Variants in SEMA3F observed in about 807,000 individuals in gnomAD.
SEMA3F encodes the protein semaphorin-3F.
In SEMA3F, 30 loss-of-function variants were observed where a neutral mutation model predicts 98.5. The ratio of observed to expected loss-of-function variants is 0.30; its 90% confidence interval spans 0.23 to 0.41. The LOEUF is 0.41. Among genes scored for constraint, SEMA3F ranks in the 10% least tolerant of loss-of-function variants. The pLI is 1.00. For missense variants in SEMA3F, 866 were observed against 1,119.3 expected, an observed-to-expected ratio of 0.77 and a Z score of 3.23; for synonymous variants, 380 against 444.8, an observed-to-expected ratio of 0.85 and a Z score of 1.83.
At chr3:50,170,646 G>T (rs1014740306) in intron 2 of SEMA3F, among the ~76,000 whole-genome samples, 2 of 152,110 alleles carry the variant, frequency 1.3e-5, no homozygotes, top group African/African-American at 4.8e-5. Flanking sequence ...GAGGGCCTGA[G>T]AGATGGTCTA....
chr3:50,176,944 A>C, intron 7 of SEMA3F, 83 bp downstream of exon 7: 2 of 1,117,498 alleles, frequency 1.8e-6, no homozygotes, highest in Non-Finnish European at 2.7e-6. Flanking sequence ...ACACTTACCC[A>C]AGGGCAGAGA....
In SEMA3F at chr3:50,184,014, G is replaced by A. The variant is rs573513119; in HGVS notation, c.1233+450G>A. On this transcript the variant is annotated intron_variant, in intron 12 of 18. Coordinates refer to ENST00000002829, the MANE Select transcript of SEMA3F (RefSeq NM_004186.5). ...GTGGGAGCCTAAGCAGGAGAGCAGC[G>A]GATCTGGTCCAATGCAGTTCTGACT... 7.9e-5 allele frequency among the ~76,000 whole-genome samples: 12 copies of A among 152,246 alleles called. 1 individual carries two copies. The highest frequency in any genetic ancestry group is 5.9e-4 in the Admixed American group (9 of 15,294).
intron 12 of SEMA3F, among the ~76,000 whole-genome samples, chr3:50,183,923 G>C (rs1186915392): frequency 6.6e-6 from 1 of 152,148 alleles, no homozygotes; most frequent in Non-Finnish European, 1.5e-5. Flanking sequence ...GGCAGGGCCA[G>C]GCCTCAGGCA....
In SEMA3F at chr3:50,158,566, TG is replaced by T; in HGVS notation, c.-48-1005del. Among the ~76,000 whole-genome samples the T allele has an allele frequency of 6.6e-6, 1 of 152,290 alleles. No individual in the cohort carries two copies. Among genetic ancestry groups the T allele is most frequent in the Middle Eastern group, 3.4e-3 (1 of 294 alleles). On this transcript the variant is annotated intron_variant, in intron 1 of 18. Coordinates refer to ENST00000002829, the MANE Select transcript of SEMA3F (RefSeq NM_004186.5). This position sits in a 1 kb window ranked among gnomAD's most constrained non-coding sequence, Gnocchi z 4.8. ...CATCCCAGCATCCTAGAGATGGGCCTGGGGTCCTGCCTGCCACGGAAGAAGG... is the reference window on the plus strand; with the variant it reads ...CATCCCAGCATCCTAGAGATGGGCCTGGGTCCTGCCTGCCACGGAAGAAGG...
At chr3:50,186,804 T>C in intron 18 of SEMA3F, 58 bp downstream of exon 18, 1 of 1,490,390 alleles carries the variant, frequency 6.7e-7, no homozygotes. Context: ...AGTGGTGAAA[T>C]GTAGTAGAGG....
chr3:50,187,764 G>T lies in SEMA3F; in HGVS notation c.2007G>T (p.Gln669His). 6.2e-7 allele frequency: 1 copy of T among 1,613,176 alleles called. No homozygotes were observed. Among genetic ancestry groups the T allele is most frequent in the East Asian group, 2.2e-5 (1 of 44,864 alleles). The stretch of plus-strand genomic sequence containing the variant: ...AGGGCTTGTTGCTCCGTGCACTGCA[G>T]CTCAGCGATCGTGGCCTCTACTCCT... ...TEQGLLLRALQLSDRGLYSCT... is the reference protein window; with the variant it reads ...TEQGLLLRALHLSDRGLYSCT... The change falls in exon 19 of 19, where the codon CAG (glutamine) becomes CAT (histidine). Residue 669 changes from glutamine to histidine, a missense_variant. Coordinates refer to ENST00000002829, the MANE Select transcript of SEMA3F (RefSeq NM_004186.5).
At position 50,159,715 on chromosome 3, in the gene SEMA3F, G is replaced by C. The variant is rs754246505; in HGVS notation, c.93G>C (p.Arg31=). 6.2e-7 allele frequency: 1 copy of C among 1,610,762 alleles called. No individual in the cohort carries two copies. Among genetic ancestry groups the C allele is most frequent in the South Asian group, 1.1e-5 (1 of 90,884 alleles). ...PTQDHLPATP[R]VRLSFKELKA... Reference sequence around the variant, plus strand: ...AGGACCACCTCCCGGCCACGCCCCGGGTCCGGCTCTCATTCAAAGGTAAGA... The same window carrying C: ...AGGACCACCTCCCGGCCACGCCCCGCGTCCGGCTCTCATTCAAAGGTAAGA... The change falls in exon 2 of 19, where the codon CGG becomes CGC. Residue 31 remains arginine, a synonymous_variant. Coordinates refer to ENST00000002829, the MANE Select transcript of SEMA3F (RefSeq NM_004186.5).
intron 1 of SEMA3F, among the ~76,000 whole-genome samples, chr3:50,157,219 G>T (rs1304437766): frequency 6.6e-6 from 1 of 151,918 alleles, no homozygotes; most frequent in Non-Finnish European, 1.5e-5. Context: ...TGGCCACCTG[G>T]CCCCCTGTCC....
chr3:50,168,660 G>T (rs903513501), intron 2 of SEMA3F, among the ~76,000 whole-genome samples: 1 of 152,166 alleles, frequency 6.6e-6, no homozygotes. Flanking sequence ...AGAGCCAGGG[G>T]GCCAGCCCAG....
intron 2 of SEMA3F, among the ~76,000 whole-genome samples, chr3:50,167,696 C>T (rs1698455589): frequency 6.6e-6 from 1 of 152,190 alleles, no homozygotes; most frequent in African/African-American, 2.4e-5. Flanking sequence ...AAAGGGGCCC[C>T]TCGTTGCAGG....
At chr3:50,183,593 C>A (rs759613537) in intron 12 of SEMA3F, 29 bp downstream of exon 12, 3 of 1,609,410 alleles carry the variant, frequency 1.9e-6, no homozygotes, top group Non-Finnish European at 2.5e-6. Context: ...CTGCCTCTCC[C>A]CTTTCTCTTC....
intron 1 of SEMA3F, among the ~76,000 whole-genome samples, chr3:50,157,974 C>T (rs1366192880): frequency 1.3e-5 from 2 of 152,210 alleles, no homozygotes; most frequent in African/African-American, 4.8e-5. Context: ...CTCCCCTGAG[C>T]CCCACCCCAC....
chr3:50,176,281 C>G (rs184680273), intron 6 of SEMA3F, among the ~76,000 whole-genome samples: 24 of 152,286 alleles, frequency 1.6e-4, no homozygotes, highest in African/African-American at 5.5e-4. Context: ...CCTTAGAGCT[C>G]TCTGGCCTGG....
intron 4 of SEMA3F, 49 bp from the exon 5 acceptor site, chr3:50,174,181 AG>A (rs1163663468): frequency 6.2e-7 from 1 of 1,613,060 alleles, no homozygotes. Context: ...GCCCCCAGTG[AG>A]GGGGCAGGCC....
intron 2 of SEMA3F, among the ~76,000 whole-genome samples, chr3:50,160,298 G>A (rs773552613): frequency 1.3e-5 from 2 of 152,168 alleles, no homozygotes; most frequent in East Asian, 1.9e-4. Context: ...GGAGGCCGCC[G>A]GTGGGTTCAG....
rs1198160331 is a variant in SEMA3F, at chr3:50,187,793, C to T, written c.2036C>T (p.Thr679Ile). The change falls in exon 19 of 19, where the codon ACA becomes ATA. Residue 679 changes from threonine to isoleucine, a missense_variant. Transcript: ENST00000002829. ...QLSDRGLYSC[T>I]ATENNFKHVV... is the part of the protein sequence containing the mutation. ...AGCGATCGTGGCCTCTACTCCTGCA[C>T]AGCCACTGAGAACAACTTTAAGCAC... 1 of 1,613,574 alleles carries T rather than the reference C, an allele frequency of 6.2e-7. No individual in the cohort carries two copies. The highest frequency in any genetic ancestry group is 1.1e-5 in the South Asian group (1 of 91,084).
At chr3:50,160,356 G>A (rs1698158827) in intron 2 of SEMA3F, among the ~76,000 whole-genome samples, 1 of 152,210 alleles carries the variant, frequency 6.6e-6, no homozygotes, top group Admixed American at 6.5e-5. Context: ...GCTCCAGTGA[G>A]CACTTTGATG....
At chr3:50,178,932 C>T (rs1316144021) in intron 7 of SEMA3F, among the ~76,000 whole-genome samples, 2 of 148,378 alleles carry the variant, frequency 1.3e-5, no homozygotes, top group Non-Finnish European at 3.0e-5. Context: ...CCCGGGTTCA[C>T]GCCACTCTCC....
rs1158409092 is a variant in SEMA3F at position 50,185,692 on chromosome 3, C to T, written c.1572C>T (p.Thr524=). The T allele has an allele frequency of 1.2e-6, 2 of 1,614,180 alleles. No homozygotes were observed. The highest frequency in any genetic ancestry group is 2.2e-5 in the South Asian group (2 of 91,062). ...FKDPAPVKTM[T]ISSKRQQLYV... is the part of the protein sequence containing the mutation. ...ATCCAGCACCCGTCAAGACCATGACCATCTCTTCTAAGAGGGTAAGCCTTT... is the reference window on the plus strand; with the variant it reads ...ATCCAGCACCCGTCAAGACCATGACTATCTCTTCTAAGAGGGTAAGCCTTT... Residue 524 remains threonine, a synonymous_variant, in exon 15 of 19, where the codon ACC becomes ACT. Transcript: ENST00000002829.
Sources: gnomAD v4.1 joint callset for allele counts (sites outside exome capture counted in the v4.1 genomes callset) on GRCh38, gnomAD v4.1.1 for gene constraint, Gnocchi (gnomAD v3.1) non-coding constraint, MANE v1.5 for transcripts, NCBI Gene and HGNC (gene_info 2026-07-23, HGNC 2026-07-21) for gene names.